The following WIPI2 variants were observed in gnomAD, a reference collection of about 807,000 sequenced individuals.
WIPI2 encodes WD repeat domain, phosphoinositide interacting 2, also known as WD repeat domain phosphoinositide-interacting protein 2.
Under a neutral mutation model 52.3 loss-of-function variants are expected in WIPI2, and 28 were observed. The observed-to-expected ratio is 0.54, with a 90% confidence interval of 0.40 to 0.73. WIPI2 has a LOEUF of 0.73. WIPI2 is among the 30% of genes least tolerant of loss of function. The pLI is 0.00. For synonymous variants in WIPI2, 268 were observed against 245.0 expected (o/e 1.09, Z -0.88); for missense variants, 506 against 602.9 (o/e 0.84, Z 1.68).
In WIPI2 at chr7:5,232,173, T is replaced by C. The variant is rs891399019; in HGVS notation, c.*1226T>C. 1 of 398,082 alleles carries C rather than the reference T, an allele frequency of 2.5e-6. No individual in the cohort carries two copies. Among genetic ancestry groups the C allele is most frequent in the South Asian group, 1.3e-4 (1 of 7,828 alleles). 24.7% of individuals were successfully genotyped at this position (398,082 alleles called of 1,614,324 possible). On this transcript the variant is annotated 3_prime_UTR_variant, in exon 13 of 13. Transcript: ENST00000288828. ...AGAGATGGTTTTAGAATCTATGGAG[T>C]GGTGGAAGTTACGGATAGAAGGGAA...
chr7:5,192,145 C>G (rs1481527142), intron 1 of WIPI2, among the ~76,000 whole-genome samples: 2 of 152,150 alleles, frequency 1.3e-5, no homozygotes, highest in African/African-American at 4.8e-5. Context: ...CTCCCAAGTA[C>G]TGTAGCGTTC....
chr7:5,228,153 T>TA lies in WIPI2; in HGVS notation c.1064dup (p.Tyr355Ter). 6.2e-7 allele frequency: 1 copy of TA among 1,613,944 alleles called. No individual in the cohort carries two copies. Among genetic ancestry groups the TA allele is most frequent in the Non-Finnish European group, 8.5e-7 (1 of 1,180,002 alleles). The change falls in exon 11 of 13, where the codon TAC becomes TAAC. Residue 355 changes from tyrosine to a stop codon, truncating the protein, a stop_gained and frameshift_variant. Coordinates refer to ENST00000288828, the MANE Select transcript of WIPI2 (RefSeq NM_015610.4). LOFTEE classifies it high-confidence loss of function. ...GGTGGGTGCCGCCGACGGGTACCTG[T>TA]ACATGTACAACCTGGACCCCCAGGA... ...LLVGAADGYL[Y>*]MYNLDPQEGG...
rs941942455 is a variant in WIPI2, at chr7:5,216,864, G to A, written c.478+205G>A. 14 of 690,682 alleles carry A rather than the reference G, an allele frequency of 2.0e-5. No homozygotes were observed. The African/African-American group carries it at 2.2e-4, about 11-fold the overall frequency. The allele number at this position is 690,682 out of a possible 1,614,324, so 42.8% of individuals were successfully genotyped here. ...GGTTTGATCAACTTTCAAGTTTGAG[G>A]TTACTGATCAGTTCAAACCAAAGGC... On this transcript the variant is annotated intron_variant, in intron 5 of 12. Coordinates refer to ENST00000288828, the MANE Select transcript of WIPI2 (RefSeq NM_015610.4).
intron 2 of WIPI2, among the ~76,000 whole-genome samples, chr7:5,194,009 G>A (rs1272951064): frequency 6.6e-6 from 1 of 152,250 alleles, no homozygotes; most frequent in Non-Finnish European, 1.5e-5. Flanking sequence ...GTGGGAAGGA[G>A]ACTGTCTCGC....
rs762301132 is a variant in WIPI2 at position 5,228,099 on chromosome 7, C to T, written c.1014-5C>T. On this transcript the variant is annotated splice_region_variant and splice_polypyrimidine_tract_variant and intron_variant, in intron 10 of 12. Coordinates refer to ENST00000288828, the MANE Select transcript of WIPI2 (RefSeq NM_015610.4). ...TAGAATTTGGCTGCTCTTTATTCTC[C>T]CTAGAATTCAGAAGATCCCGCGGTT... 27 of 1,613,526 alleles carry T rather than the reference C, an allele frequency of 1.7e-5. No individual in the cohort carries two copies. Among genetic ancestry groups the T allele is most frequent in the Non-Finnish European group, 2.3e-5 (27 of 1,179,834 alleles).
intron 3 of WIPI2, among the ~76,000 whole-genome samples, chr7:5,210,915 C>A (rs537272405): frequency 6.6e-6 from 1 of 151,806 alleles, no homozygotes; most frequent in East Asian, 1.9e-4. Context: ...ATTGAACTCG[C>A]GGCTCGCATA....
Position 5,228,118 on chromosome 7 carries a change from C to A in WIPI2, c.1028C>A (p.Pro343Gln). The A allele has an allele frequency of 6.2e-7, 1 of 1,613,920 alleles. No individual in the cohort carries two copies. The highest frequency in any genetic ancestry group is 8.5e-7 in the Non-Finnish European group (1 of 1,180,008). Residue 343 changes from proline to glutamine, a missense_variant, in exon 11 of 13, where the codon CCG becomes CAG. Physicochemically the swap from Pro to Gln is moderately conservative, Grantham distance 76. This residue lies in a region of WIPI2 where 194 missense variants were observed against 175.1 expected (regional missense o/e 1.11). Coordinates refer to ENST00000288828, the MANE Select transcript of WIPI2 (RefSeq NM_015610.4). The part of the protein sequence containing the change: ...ICSLATIQKI[P>Q]RLLVGAADGY... The stretch of plus-strand genomic sequence containing the variant: ...ATTCTCCCTAGAATTCAGAAGATCC[C>A]GCGGTTGTTGGTGGGTGCCGCCGAC...
chr7:5,200,410 C>T (rs1057462788), intron 3 of WIPI2, among the ~76,000 whole-genome samples: 1 of 152,150 alleles, frequency 6.6e-6, no homozygotes, highest in Non-Finnish European at 1.5e-5. Flanking sequence ...TCCCTTGCAT[C>T]CTTTACCCTG....
rs552445133 is a variant in WIPI2 at position 5,214,711 on chromosome 7, G to A, written c.381+7G>A. ...TGTGAAGCTCAACAGGCAGGTGAGC[G>A]CTGCCCCAGCTGGGTGTGGGCTTGT... On this transcript the variant is annotated splice_region_variant and intron_variant, in intron 4 of 12. Transcript: ENST00000288828. 2.7e-5 allele frequency: 43 copies of A among 1,613,088 alleles called. No homozygotes were observed. The highest frequency in any genetic ancestry group is 2.4e-4 in the African/African-American group (18 of 74,938).
chr7:5,204,193 G>A (rs1248620893), intron 3 of WIPI2, among the ~76,000 whole-genome samples: 3 of 152,212 alleles, frequency 2.0e-5, no homozygotes, highest in African/African-American at 4.8e-5. Context: ...TGGGCCGGGC[G>A]CGGTGGCTCA....
intron 4 of WIPI2, among the ~76,000 whole-genome samples, chr7:5,215,025 A>T (rs1319480513): frequency 6.6e-6 from 1 of 152,196 alleles, no homozygotes; most frequent in Non-Finnish European, 1.5e-5. Context: ...AAAAAAATAT[A>T]TTTGGCCGAG....
At chr7:5,223,988 T>C (rs1363988324) in intron 8 of WIPI2, among the ~76,000 whole-genome samples, 1 of 152,246 alleles carries the variant, frequency 6.6e-6, no homozygotes, top group African/African-American at 2.4e-5. Context: ...CTTCAGACTC[T>C]CACCCAGGCT....
At chr7:5,222,504 G>C in intron 7 of WIPI2, 98 bp from the exon 8 acceptor site, 3 of 1,278,094 alleles carry the variant, frequency 2.3e-6, no homozygotes, top group South Asian at 1.2e-5. Context: ...GAGCTGTCCT[G>C]GAGATAGCCG....
rs1039239731 is a variant in WIPI2, at chr7:5,219,909, C to G, written c.669+1895C>G. Among the ~76,000 whole-genome samples the G allele has an allele frequency of 2.6e-5, 4 of 151,710 alleles. No homozygotes were observed. In the South Asian group the frequency reaches 8.3e-4, roughly 32 times the overall value. On this transcript the variant is annotated intron_variant, in intron 7 of 12. Coordinates refer to ENST00000288828, the MANE Select transcript of WIPI2 (RefSeq NM_015610.4). ...GGAGTGCAGTGGCACAATCTCTGCT[C>G]TATGCAACCTCCATCTCCCAGGCTT...
intron 6 of WIPI2, chr7:5,217,611 C>G (rs1055264908): frequency 7.0e-6 from 3 of 431,424 alleles, no homozygotes; most frequent in South Asian, 4.4e-5. Flanking sequence ...GCTCTCTTCT[C>G]AGTAGCAGAG....
At chr7:5,225,774 G>A in intron 8 of WIPI2, 49 bp from the exon 9 acceptor site, 1 of 1,398,406 alleles carries the variant, frequency 7.2e-7, no homozygotes, top group South Asian at 1.2e-5. Flanking sequence ...TGAACCCCTG[G>A]GGCAGCTGCT....
At chr7:5,224,645 C>A (rs1263077094) in intron 8 of WIPI2, among the ~76,000 whole-genome samples, 1 of 152,196 alleles carries the variant, frequency 6.6e-6, no homozygotes, top group African/African-American at 2.4e-5. Flanking sequence ...GGAGTCGGAG[C>A]TGTCTTCTTG....
intron 4 of WIPI2, 21 bp from the exon 5 acceptor site, chr7:5,216,542 T>G (rs1423857636): frequency 6.2e-7 from 1 of 1,612,102 alleles, no homozygotes; most frequent in Non-Finnish European, 8.5e-7. Context: ...CACGTTTGGT[T>G]TCGTTTTGTC....
At chr7:5,217,252 T>A (rs777718399) in intron 6 of WIPI2, 65 bp downstream of exon 6, 2 of 1,524,616 alleles carry the variant, frequency 1.3e-6, no homozygotes, top group African/African-American at 2.7e-5. Context: ...AGGAGCACTG[T>A]GGTGTCCCTG....
Sources: gnomAD v4.1 joint callset for allele counts (sites outside exome capture counted in the v4.1 genomes callset) on GRCh38, gnomAD v4.1.1 for gene constraint, gnomAD v4.1.1 regional missense constraint, MANE v1.5 for transcripts, NCBI Gene and HGNC (gene_info 2026-07-23, HGNC 2026-07-21) for gene names.